Variants in UBOX5 observed in about 807,000 individuals in gnomAD.
UBOX5 encodes U-box domain containing 5, also known as RING finger protein 37.
UBOX5 carries 28 observed loss-of-function variants against 39.0 expected under a neutral mutation model. The ratio of observed to expected loss-of-function variants is 0.72; its 90% CI spans 0.53 to 0.98. UBOX5 has a LOEUF of 0.98. UBOX5 is among the 50% of genes least tolerant of loss of function. The pLI is 0.00. For synonymous variants in UBOX5, 283 were observed against 275.5 expected (o/e 1.03, Z -0.27); for missense variants, 585 against 674.4 (o/e 0.87, Z 1.47).
chr20:3,150,670 T>A (rs1001065372), intron 1 of UBOX5: 1 of 152,188 alleles, frequency 6.6e-6, no homozygotes, highest in Non-Finnish European at 1.5e-5. Flanking sequence ...CCTGCCTAAC[T>A]CTGCTGTCAG....
intron 3 of UBOX5, 117 bp downstream of exon 3, chr20:3,121,267 C>A: frequency 7.0e-7 from 1 of 1,431,970 alleles, no homozygotes; most frequent in Non-Finnish European, 9.4e-7. Flanking sequence ...AAGGAGGCAG[C>A]ACAGGCACAG....
At chr20:3,140,659 C>A (rs1260565789) in intron 1 of UBOX5, among the ~76,000 whole-genome samples, 1 of 152,050 alleles carries the variant, frequency 6.6e-6, no homozygotes, top group African/African-American at 2.4e-5. Context: ...GCCAACTCCT[C>A]CCACAAAAAA....
At chr20:3,135,607 A>G (rs1373585411) in intron 1 of UBOX5, among the ~76,000 whole-genome samples, 1 of 151,544 alleles carries the variant, frequency 6.6e-6, no homozygotes, top group Non-Finnish European at 1.5e-5. Context: ...TTACCGAGCC[A>G]TAACTAGTAT....
At chr20:3,138,819 C>A (rs2066492315) in intron 1 of UBOX5, among the ~76,000 whole-genome samples, 1 of 152,132 alleles carries the variant, frequency 6.6e-6, no homozygotes, top group African/African-American at 2.4e-5. Context: ...AATAAGGTGA[C>A]CATGACACTT....
At chr20:3,144,401 C>T (rs1368040835) in intron 1 of UBOX5, among the ~76,000 whole-genome samples, 1 of 152,158 alleles carries the variant, frequency 6.6e-6, no homozygotes, top group Non-Finnish European at 1.5e-5. Flanking sequence ...TCCTCTTCAA[C>T]AAATGATGCT....
rs2066344423 is a variant in UBOX5 at position 3,122,303 on chromosome 20, C to T, written c.336G>A (p.Lys112=). ...CTTTGCCTACCAAGGTGAACGCCTC[C>T]TTGTCTGGGACAGATGGCTCAGCTG... ...LGPAEPSVPD[K]EAFTLVGKVL... is the part of the protein sequence containing the mutation. The change falls in exon 3 of 5, where the codon AAG becomes AAA. Residue 112 remains lysine, a synonymous_variant. Coordinates refer to ENST00000217173, the MANE Select transcript of UBOX5 (RefSeq NM_014948.4). The T allele has an allele frequency of 6.2e-7, 1 of 1,614,102 alleles. No homozygotes were observed. Among genetic ancestry groups the T allele is most frequent in the African/African-American group, 1.3e-5 (1 of 74,944 alleles).
At chr20:3,140,303 TTGAG>T (rs745825160) in intron 1 of UBOX5, among the ~76,000 whole-genome samples, 7 of 152,110 alleles carry the variant, frequency 4.6e-5, no homozygotes, top group African/African-American at 9.7e-5. Flanking sequence ...ATTACAGGCG[TTGAG>T]TGAGCCACCG....
intron 4 of UBOX5, among the ~76,000 whole-genome samples, chr20:3,111,245 C>G (rs1229688385): frequency 6.6e-6 from 1 of 152,182 alleles, no homozygotes; most frequent in Admixed American, 6.5e-5. Context: ...CATTCCTAGC[C>G]ACTACTCTCT....
At chr20:3,110,347 T>TA in intron 4 of UBOX5, 33 bp from the exon 5 acceptor site, 2 of 1,612,042 alleles carry the variant, frequency 1.2e-6, no homozygotes, top group Non-Finnish European at 1.7e-6. Context: ...AGGCCAGGGT[T>TA]AGGAAAGCTG....
chr20:3,142,720 C>A (rs1158186498), intron 1 of UBOX5, among the ~76,000 whole-genome samples: 4 of 132,506 alleles, frequency 3.0e-5, no homozygotes. Context: ...CTGCAGTGAG[C>A]AGAGATCACG....
At position 3,122,011 on chromosome 20, in the gene UBOX5, G is replaced by A; in HGVS notation, c.628C>T (p.Leu210=). The A allele has an allele frequency of 6.2e-7, 1 of 1,614,240 alleles. No homozygotes were observed. The highest frequency in any genetic ancestry group is 8.5e-7 in the Non-Finnish European group (1 of 1,180,050). Residue 210 remains leucine (L), a synonymous_variant, in exon 3 of 5, where the codon CTG becomes TTG. Coordinates refer to ENST00000217173, the MANE Select transcript of UBOX5 (RefSeq NM_014948.4). The stretch of plus-strand genomic sequence containing the variant: ...GGCAGGTTCTCTGAGGTGACCAGCA[G>A]GATGCTGTCTATCACTTCCTGGGAG... ...TCSQEVIDSI[L]LVTSENLPQD... is the part of the protein sequence containing the mutation.
intron 1 of UBOX5, among the ~76,000 whole-genome samples, chr20:3,154,131 T>C (rs1210803583): frequency 1.3e-5 from 2 of 151,928 alleles, no homozygotes; most frequent in Non-Finnish European, 2.9e-5. Context: ...ATCCAGAAAC[T>C]AGGGTTCAAT....
At chr20:3,153,130 T>C (rs571472171) in intron 1 of UBOX5, among the ~76,000 whole-genome samples, 1 of 152,344 alleles carries the variant, frequency 6.6e-6, no homozygotes, top group Non-Finnish European at 1.5e-5. Context: ...ATAAATGATA[T>C]TAATTTTAAA....
chr20:3,130,547 C>A (rs1283578122), intron 1 of UBOX5, among the ~76,000 whole-genome samples: 1 of 151,944 alleles, frequency 6.6e-6, no homozygotes, highest in African/African-American at 2.4e-5. Flanking sequence ...AGATCAAAAT[C>A]TTAAGTAGAT....
chr20:3,133,757 G>T (rs927032867), intron 1 of UBOX5, among the ~76,000 whole-genome samples: 15 of 49,900 alleles, frequency 3.0e-4, no homozygotes, highest in Admixed American at 6.0e-4. Context: ...TATTTTTTTT[G>T]GGGGGGGGAA....
intron 1 of UBOX5, among the ~76,000 whole-genome samples, chr20:3,137,313 T>TA (rs1263421892): frequency 6.6e-6 from 1 of 152,168 alleles, no homozygotes; most frequent in Non-Finnish European, 1.5e-5. Flanking sequence ...GTGTAGTTGT[T>TA]AAAAAACAAT....
intron 1 of UBOX5, among the ~76,000 whole-genome samples, chr20:3,155,068 AAAAAG>A (rs1555765478): frequency 5.3e-5 from 7 of 132,010 alleles, no homozygotes; most frequent in Non-Finnish European, 9.7e-5. Flanking sequence ...AAAAAAAAAA[AAAAAG>A]AAAAGAAAAG....
At chr20:3,133,873 C>T (rs1039842981) in intron 1 of UBOX5, among the ~76,000 whole-genome samples, 16 of 152,124 alleles carry the variant, frequency 1.1e-4, no homozygotes, top group African/African-American at 3.6e-4. Flanking sequence ...CTACCTCTGC[C>T]TCCCGAGTAT....
At position 3,109,895 on chromosome 20, in the gene UBOX5, T is replaced by G; in HGVS notation, c.*211A>C. On this transcript the variant is annotated 3_prime_UTR_variant, in exon 5 of 5. Transcript: ENST00000217173. ...GGGGGGTGGCAGGGAGGCAGGGACA[T>G]CCCCCCGCCCTCTGGCCTATGGCTT... 1.6e-6 allele frequency: 1 copy of G among 624,220 alleles called. No homozygotes were observed. The highest frequency in any genetic ancestry group is 2.8e-6 in the Non-Finnish European group (1 of 361,630). 38.7% of individuals were successfully genotyped at this position (624,220 alleles called of 1,614,324 possible).
Sources: gnomAD v4.1 joint callset for allele counts (sites outside exome capture counted in the v4.1 genomes callset) on GRCh38, gnomAD v4.1.1 for gene constraint, MANE v1.5 for transcripts, NCBI Gene and HGNC (gene_info 2026-07-23, HGNC 2026-07-21) for gene names.